Variants in NOX4 observed in about 807,000 individuals in gnomAD.
NOX4 encodes the protein kidney oxidase-1.
In NOX4, 69 loss-of-function variants were observed where a neutral mutation model predicts 87.6. The observed-to-expected ratio is 0.79, with a 90% CI of 0.65 to 0.96. NOX4 has a LOEUF of 0.96. Ranked by LOEUF, NOX4 falls within the 40% of genes least tolerant of loss-of-function variation. NOX4 has a pLI of 0.00. For missense variants in NOX4, 680 were observed against 681.5 expected (o/e 1.00, Z 0.02); for synonymous variants, 275 against 238.2 (o/e 1.15, Z -1.42).
intron 11 of NOX4, among the ~76,000 whole-genome samples, chr11:89,376,194 A>G (rs1013933594): frequency 6.6e-6 from 1 of 152,202 alleles, no homozygotes; most frequent in Admixed American, 6.5e-5. Flanking sequence ...TGAAGTCTTT[A>G]TAAGTCACTG....
At chr11:89,346,781 A>T (rs941905185) in intron 13 of NOX4, among the ~76,000 whole-genome samples, 1 of 152,184 alleles carries the variant, frequency 6.6e-6, no homozygotes, top group Admixed American at 6.5e-5. Context: ...TCTTGCGCTA[A>T]CACAGCTTCT....
intron 2 of NOX4, among the ~76,000 whole-genome samples, chr11:89,476,027 A>C (rs1209778695): frequency 6.6e-6 from 1 of 152,166 alleles, no homozygotes; most frequent in Non-Finnish European, 1.5e-5. Context: ...CCATGTACAA[A>C]ACAAAACATC....
chr11:89,425,140 A>G (rs1272138022), intron 7 of NOX4, among the ~76,000 whole-genome samples: 1 of 151,978 alleles, frequency 6.6e-6, no homozygotes, highest in African/African-American at 2.4e-5. Context: ...ATTTTCCTTC[A>G]AGAATTCCTA....
intron 4 of NOX4, among the ~76,000 whole-genome samples, chr11:89,447,421 A>G (rs1944755624): frequency 6.6e-6 from 1 of 152,178 alleles, no homozygotes; most frequent in Non-Finnish European, 1.5e-5. Context: ...TTTTTAAAGG[A>G]CCTCTTAGGT....
chr11:89,417,637 G>A (rs1243585164), intron 8 of NOX4, among the ~76,000 whole-genome samples: 2 of 152,060 alleles, frequency 1.3e-5, no homozygotes, highest in African/African-American at 2.4e-5. Flanking sequence ...TTGTTGATAA[G>A]AAAATCTGGG....
the NOX4 span, among the ~76,000 whole-genome samples, chr11:89,575,442 T>A: frequency 2.6e-5 from 4 of 152,120 alleles, no homozygotes; most frequent in East Asian, 7.7e-4. Context: ...GGAAAGCACA[T>A]CTATTGCAAA....
chr11:89,339,943 T>G, intron 15 of NOX4, 120 bp downstream of exon 15: 1 of 516,022 alleles, frequency 1.9e-6, no homozygotes, highest in Non-Finnish European at 3.5e-6. Context: ...CTTTCCTTGC[T>G]ACTTATCTGC....
At chr11:89,452,829 C>G (rs898784481) in intron 2 of NOX4, among the ~76,000 whole-genome samples, 4 of 152,062 alleles carry the variant, frequency 2.6e-5, no homozygotes, top group African/African-American at 9.7e-5. Flanking sequence ...ATCCTCCTGC[C>G]TCAGCCTTCT....
intron 8 of NOX4, among the ~76,000 whole-genome samples, chr11:89,409,385 A>G (rs1235642577): frequency 6.6e-6 from 1 of 152,152 alleles, no homozygotes; most frequent in African/African-American, 2.4e-5. Flanking sequence ...GAAAAAATAA[A>G]CTCGCAGTTT....
intron 11 of NOX4, among the ~76,000 whole-genome samples, chr11:89,392,664 C>T (rs951943671): frequency 2.6e-5 from 4 of 152,062 alleles, no homozygotes; most frequent in Non-Finnish European, 4.4e-5. Context: ...CCCACTTTTC[C>T]TTTTGATTCA....
At chr11:89,420,089 G>A (rs1048167243) in intron 8 of NOX4, among the ~76,000 whole-genome samples, 3 of 151,980 alleles carry the variant, frequency 2.0e-5, no homozygotes, top group African/African-American at 7.2e-5. Context: ...AAGCCTTGTA[G>A]TAAAAACTTA....
intron 2 of NOX4, among the ~76,000 whole-genome samples, chr11:89,469,299 T>C (rs925435224): frequency 1.3e-5 from 2 of 152,160 alleles, no homozygotes; most frequent in African/African-American, 4.8e-5. Context: ...GTTTGAATAA[T>C]TGGTCATTTT....
intron 6 of NOX4, among the ~76,000 whole-genome samples, chr11:89,437,926 C>T (rs1358625541): frequency 6.6e-6 from 1 of 151,916 alleles, no homozygotes; most frequent in Non-Finnish European, 1.5e-5. Flanking sequence ...ATACCTAATA[C>T]AAAAGGCAGG....
intron 2 of NOX4, among the ~76,000 whole-genome samples, chr11:89,454,652 A>C (rs1591298512): frequency 1.3e-5 from 2 of 152,266 alleles, no homozygotes; most frequent in Admixed American, 1.3e-4. Flanking sequence ...TTATATTAAA[A>C]ATACAAAAGT....
intron 7 of NOX4, among the ~76,000 whole-genome samples, chr11:89,432,058 G>A (rs1943820493): frequency 6.6e-6 from 1 of 152,110 alleles, no homozygotes; most frequent in African/African-American, 2.4e-5. Flanking sequence ...TTAGGGACAT[G>A]GATGAAGCTG....
At chr11:89,425,530 G>T (rs1943344105) in intron 7 of NOX4, among the ~76,000 whole-genome samples, 1 of 151,086 alleles carries the variant, frequency 6.6e-6, no homozygotes, top group Non-Finnish European at 1.5e-5. Flanking sequence ...AATAATAACA[G>T]AATATTTATT....
chr11:89,394,687 G>A (rs1941355519), intron 11 of NOX4, among the ~76,000 whole-genome samples: 1 of 151,036 alleles, frequency 6.6e-6, no homozygotes, highest in Non-Finnish European at 1.5e-5. Context: ...GGTTTGTGAT[G>A]TTCCCCGCCC....
intron 7 of NOX4, among the ~76,000 whole-genome samples, chr11:89,428,714 G>T (rs1247301993): frequency 1.3e-5 from 2 of 152,090 alleles, no homozygotes; most frequent in African/African-American, 4.8e-5. Flanking sequence ...GATTCATAAA[G>T]CAAGTCCTTA....
chr11:89,420,460 GA>G (rs1943022136), intron 8 of NOX4, among the ~76,000 whole-genome samples: 1 of 152,008 alleles, frequency 6.6e-6, no homozygotes, highest in African/African-American at 2.4e-5. Context: ...TCGGTGCCCT[GA>G]GGCTCCAGAG....
Sources: gnomAD v4.1 joint callset for allele counts (sites outside exome capture counted in the v4.1 genomes callset) on GRCh38, gnomAD v4.1.1 for gene constraint, MANE v1.5 for transcripts, NCBI Gene and HGNC (gene_info 2026-07-23, HGNC 2026-07-21) for gene names.